The following GABRA2 variants were observed in gnomAD, a reference collection of about 807,000 sequenced individuals.
GABRA2 encodes gamma-aminobutyric acid receptor subunit alpha-2.
In GABRA2, 16 loss-of-function variants were observed where a neutral mutation model predicts 48.7. The ratio of observed to expected loss-of-function variants is 0.33; its 90% CI spans 0.22 to 0.50. GABRA2 has a LOEUF of 0.50. Among genes scored for constraint, GABRA2 ranks in the 20% least tolerant of loss-of-function variants. GABRA2 has a pLI of 0.98. For missense variants in GABRA2, 275 were observed against 535.6 expected, an observed-to-expected ratio of 0.51 and a Z score of 4.80; for synonymous variants, 185 against 184.5, an observed-to-expected ratio of 1.00 and a Z score of -0.02.
intron 3 of GABRA2, chr4:46,369,097 T>C: frequency 3.0e-6 from 2 of 671,332 alleles, no homozygotes; most frequent in African/African-American, 1.8e-5. Flanking sequence ...ATATGGGAAA[T>C]AGGGTAGGGC....
Position 46,245,969 on chromosome 4 carries a change from T to C in GABRA2, c.*4339A>G, listed in dbSNP as rs1049886924. Among the ~76,000 whole-genome samples the C allele has an allele frequency of 6.6e-6, 1 of 151,200 alleles. No individual in the cohort carries two copies. Among genetic ancestry groups the C allele is most frequent in the Non-Finnish European group, 1.5e-5 (1 of 67,464 alleles). ...TGGAAGACACAGTGGTCTAGATATG[T>C]TGATAATTAAGAATTTTAGCAAAAA... On this transcript the variant is annotated 3_prime_UTR_variant, in exon 10 of 10. Transcript: ENST00000381620.
intron 8 of GABRA2, among the ~76,000 whole-genome samples, chr4:46,294,495 T>G (rs1724262110): frequency 6.6e-6 from 1 of 152,204 alleles, no homozygotes; most frequent in South Asian, 2.1e-4. Context: ...TCCCATTTAT[T>G]GAGTGACCTG....
chr4:46,250,557 C>A lies in GABRA2; in HGVS notation c.1107G>T (p.Val369=), dbSNP rs1199903260. ...SVMIQNNAYA[V]AVANYAPNLS... is the part of the protein sequence containing the mutation. ...GATTCGGGGCATAATTGGCAACAGC[C>A]ACTGCATAAGCGTTGTTCTGTATCA... is the stretch of plus-strand genomic sequence containing the variant. Residue 369 remains valine (V), a synonymous_variant, in exon 10 of 10, where the codon GTG becomes GTT. Transcript: ENST00000381620. The A allele has an allele frequency of 6.2e-7, 1 of 1,611,470 alleles. No homozygotes were observed. Among genetic ancestry groups the A allele is most frequent in the South Asian group, 1.1e-5 (1 of 91,016 alleles).
At chr4:46,305,503 T>G in intron 7 of GABRA2, 65 bp downstream of exon 7, 1 of 1,460,182 alleles carries the variant, frequency 6.8e-7, no homozygotes, top group Non-Finnish European at 9.4e-7. Context: ...TCTGACACAC[T>G]TCCAAGTCCT....
chr4:46,309,013 G>T (rs770730679), intron 6 of GABRA2, among the ~76,000 whole-genome samples: 73 of 152,086 alleles, frequency 4.8e-4, no homozygotes, highest in Non-Finnish European at 9.7e-4. Context: ...GGTTTTCTCA[G>T]CATCGTGTTT....
chr4:46,284,100 GT>G (rs1722068033), intron 8 of GABRA2, among the ~76,000 whole-genome samples: 1 of 149,498 alleles, frequency 6.7e-6, no homozygotes, highest in Admixed American at 6.7e-5. Flanking sequence ...AAAAAACTCT[GT>G]TATATACTCA....
In GABRA2 at chr4:46,376,164, G is replaced by A. The variant is rs1160338; in HGVS notation, c.187+9910C>T. Among the ~76,000 whole-genome samples the A allele has an allele frequency of 8.4e-3, 1,285 of 152,242 alleles. 11 individuals are homozygous for A. The highest frequency in any genetic ancestry group is 0.029 in the African/African-American group (1,210 of 41,536). On this transcript the variant is annotated intron_variant, in intron 3 of 9. Transcript: ENST00000381620. ...CACACTCTTTCAATACACATTTTAA[G>A]GAACAAAATACTAGAATAATTTCAT...
At chr4:46,314,754 C>G (rs1232257357) in intron 4 of GABRA2, among the ~76,000 whole-genome samples, 1 of 152,044 alleles carries the variant, frequency 6.6e-6, no homozygotes, top group African/African-American at 2.4e-5. Flanking sequence ...TTTTCTGTTA[C>G]TGCGTTGATT....
intron 4 of GABRA2, among the ~76,000 whole-genome samples, chr4:46,314,076 G>T (rs945873271): frequency 1.6e-4 from 25 of 152,036 alleles, no homozygotes; most frequent in African/African-American, 6.0e-4. Context: ...AACCTAGTGA[G>T]CGTGGGCTCA....
At chr4:46,381,225 A>G (rs376548608) in intron 3 of GABRA2, among the ~76,000 whole-genome samples, 32 of 152,322 alleles carry the variant, frequency 2.1e-4, no homozygotes, top group African/African-American at 7.7e-4. Flanking sequence ...CAATTTTCCA[A>G]TGACCTATAA....
At chr4:46,294,660 C>T (rs1724297800) in intron 8 of GABRA2, among the ~76,000 whole-genome samples, 1 of 152,182 alleles carries the variant, frequency 6.6e-6, no homozygotes, top group Non-Finnish European at 1.5e-5. Context: ...TGTTTGGAGC[C>T]TCTGGCAGAC....
rs1412657683 is a variant in GABRA2 at position 46,243,785 on chromosome 4, C to A, written c.*6523G>T. 6.6e-6 allele frequency: 1 copy of A among 151,510 alleles called. No individual in the cohort carries two copies. Among genetic ancestry groups the A allele is most frequent in the Non-Finnish European group, 1.5e-5 (1 of 67,634 alleles). The allele number at this position is 151,510 out of a possible 1,614,324, so 9.4% of individuals were successfully genotyped here. A position where few individuals can be genotyped will look rare whatever the true frequency, so the allele number is the denominator to read the frequency against. ...GTCACCCAGAAAATTTCAAATTTCA[C>A]ATAATGTGACTATCAAAGTTTAGTG... is the stretch of plus-strand genomic sequence containing the variant. On this transcript the variant is annotated 3_prime_UTR_variant, in exon 10 of 10. Transcript: ENST00000381620.
intron 4 of GABRA2, among the ~76,000 whole-genome samples, chr4:46,325,613 T>A (rs1045588291): frequency 2.6e-5 from 4 of 152,006 alleles, no homozygotes; most frequent in Admixed American, 2.0e-4. Context: ...GTTTTTGTTA[T>A]AATTGCTTTC....
intron 8 of GABRA2, among the ~76,000 whole-genome samples, chr4:46,268,919 G>A (rs1157042808): frequency 6.6e-6 from 1 of 151,834 alleles, no homozygotes. Flanking sequence ...ATATTATGCT[G>A]AGTTAAATAA....
rs150957795 is a variant in GABRA2, at chr4:46,314,758, G to A, written c.256-2042C>T. 6.9e-3 allele frequency among the ~76,000 whole-genome samples: 1,048 copies of A among 152,142 alleles called. 9 individuals are homozygous for A. Among genetic ancestry groups the A allele is most frequent in the Middle Eastern group, 0.027 (8 of 292 alleles). ...GCATTATTTGATTTTCTGTTACTGC[G>A]TTGATTTGCTTAGGATAATGGCTTC... On this transcript the variant is annotated intron_variant, in intron 4 of 9. Transcript: ENST00000381620.
At chr4:46,290,368 T>G (rs1375583165) in intron 8 of GABRA2, among the ~76,000 whole-genome samples, 2 of 152,176 alleles carry the variant, frequency 1.3e-5, no homozygotes, top group East Asian at 3.9e-4. Context: ...TTGAGATTAT[T>G]GCTGTTTTAA....
chr4:46,322,893 G>A (rs1185169199), intron 4 of GABRA2, among the ~76,000 whole-genome samples: 1 of 151,898 alleles, frequency 6.6e-6, no homozygotes, highest in African/African-American at 2.4e-5. Context: ...AAATTCGCAG[G>A]TGTCAAGTGA....
intron 3 of GABRA2, chr4:46,367,591 T>C (rs1714241886): frequency 6.6e-6 from 1 of 152,120 alleles, no homozygotes; most frequent in South Asian, 2.1e-4. Context: ...CAGCACTGCC[T>C]TCTAACACCA....
chr4:46,298,620 T>C (rs1725181476), intron 8 of GABRA2, among the ~76,000 whole-genome samples: 2 of 152,112 alleles, frequency 1.3e-5, no homozygotes, highest in Non-Finnish European at 2.9e-5. Flanking sequence ...ACTTAGAATG[T>C]CCCAGGCTCT....
Sources: gnomAD v4.1 joint callset for allele counts (sites outside exome capture counted in the v4.1 genomes callset) on GRCh38, gnomAD v4.1.1 for gene constraint, MANE v1.5 for transcripts, NCBI Gene and HGNC (gene_info 2026-07-23, HGNC 2026-07-21) for gene names.